Variants in KLF13 observed in about 807,000 individuals in gnomAD.
The protein encoded by KLF13 is KLF transcription factor 13.
In KLF13, 8 loss-of-function variants were observed where a neutral mutation model predicts 16.7. That is an observed-to-expected ratio of 0.48 (90% confidence interval 0.28 to 0.87). The LOEUF (loss-of-function observed/expected upper bound fraction) is 0.87, where lower values mean the gene tolerates loss of function less well. Among genes scored for constraint, KLF13 ranks in the 40% least tolerant of loss-of-function variants. The probability of loss-of-function intolerance (pLI) is 0.10; values close to 1 mark genes in which losing one functional copy is unlikely to be tolerated. For missense variants in KLF13, 447 were observed against 452.2 expected, an observed-to-expected ratio of 0.99 and a Z score of 0.10; for synonymous variants, 245 against 208.4, an observed-to-expected ratio of 1.18 and a Z score of -1.51.
In KLF13 at chr15:31,424,905, A is replaced by AC. The variant is rs1555383520; in HGVS notation, n.118-10465_118-10464insC. 1.2e-4 allele frequency among the ~76,000 whole-genome samples: 18 copies of AC among 151,442 alleles called. No homozygotes were observed. In the East Asian group the frequency reaches 1.4e-3, roughly 11 times the overall value. Reference sequence around the variant, plus strand: ...CACACACACACACACACACACACACAAAGCTCTTAGAACTAAAGAACAAAT... The same window carrying AC: ...CACACACACACACACACACACACACACAAGCTCTTAGAACTAAAGAACAAAT... On this transcript the variant is annotated intron_variant and non_coding_transcript_variant, in intron 1 of 1. Coordinates refer to the KLF13 transcript ENST00000558225.
At chr15:31,391,846 C>T (rs935016728), upstream of KLF13, among the ~76,000 whole-genome samples, 2 of 152,124 alleles carry the variant, frequency 1.3e-5, no homozygotes, top group East Asian at 1.9e-4. Flanking sequence ...CCGGGCTTCC[C>T]AGGCTCTAGT....
chr15:31,394,903 G>C (rs1019064385), intron 2 of KLF13, among the ~76,000 whole-genome samples: 2 of 152,008 alleles, frequency 1.3e-5, no homozygotes, highest in Admixed American at 1.3e-4. Flanking sequence ...GCTTTTTTGT[G>C]TCTGTCTCAT....
intron 1 of KLF13, among the ~76,000 whole-genome samples, chr15:31,362,927 T>C (rs1372629305): frequency 3.3e-5 from 5 of 152,212 alleles, no homozygotes. Context: ...CGTTCCATAA[T>C]TTATTTGACA....
At position 31,429,694 on chromosome 15, in the gene KLF13, CTTTTATTTATTT is replaced by C. The variant is rs753288588; in HGVS notation, n.118-5675_118-5664del. ...TATGATCTTAGCACAGAGAAAGATT[CTTTTATTTATTT>C]ATTTATTTATTTATTTATTTATTTA... is the stretch of plus-strand genomic sequence containing the variant. On this transcript the variant is annotated intron_variant and non_coding_transcript_variant, in intron 1 of 1. Transcript: ENST00000558225. Among the ~76,000 whole-genome samples, 558 of 142,460 alleles carry C rather than the reference CTTTTATTTATTT, an allele frequency of 3.9e-3. 4 individuals are homozygous for C. Among genetic ancestry groups the C allele is most frequent in the South Asian group, 6.8e-3 (30 of 4,382 alleles). The allele number at this position is 142,460 out of a possible 152,430, so 93.5% of individuals were successfully genotyped here.
intron 1 of KLF13, among the ~76,000 whole-genome samples, chr15:31,357,050 A>AT (rs2140953102): frequency 6.6e-6 from 1 of 151,712 alleles, no homozygotes; most frequent in South Asian, 2.1e-4. Flanking sequence ...ATCCATTTGT[A>AT]TTTTTGCTCT....
rs1247032086 is a variant in KLF13 at position 31,375,954 on chromosome 15, C to G, written c.*3655C>G. On this transcript the variant is annotated 3_prime_UTR_variant, in exon 2 of 2. Coordinates refer to ENST00000307145, the MANE Select transcript of KLF13 (RefSeq NM_015995.4). ...AGGTGCAGGATTCGCCATGGTGCAG[C>G]CTCCGGGTACAAACATCTGAGGCAC... The G allele has an allele frequency of 6.6e-6, 1 of 152,360 alleles. No homozygotes were observed. The highest frequency in any genetic ancestry group is 2.4e-5 in the African/African-American group (1 of 41,440). The allele number at this position is 152,360 out of a possible 1,614,324, so 9.4% of individuals were successfully genotyped here. A position where few individuals can be genotyped will look rare whatever the true frequency, so the allele number is the denominator to read the frequency against.
At chr15:31,415,880 A>G (rs1451256208) in intron 1 of KLF13, among the ~76,000 whole-genome samples, 1 of 152,084 alleles carries the variant, frequency 6.6e-6, no homozygotes, top group African/African-American at 2.4e-5. Context: ...ATAAACATCT[A>G]CAAAATTGAT....
At chr15:31,404,930 G>T (rs1009637396), downstream of KLF13, among the ~76,000 whole-genome samples, 2 of 152,256 alleles carry the variant, frequency 1.3e-5, no homozygotes, top group African/African-American at 2.4e-5. Context: ...GAGAACAGTG[G>T]GGGGAGCTCT....
intron 1 of KLF13, among the ~76,000 whole-genome samples, chr15:31,413,191 AAAAAAAAAAAAC>A (rs1479765977): frequency 6.7e-6 from 1 of 149,344 alleles, no homozygotes; most frequent in Admixed American, 6.7e-5. Context: ...AATAGACAAA[AAAAAAAAAAAAC>A]AAAAAACAAA....
chr15:31,357,182 A>G (rs1379329289), intron 1 of KLF13, among the ~76,000 whole-genome samples: 11 of 151,996 alleles, frequency 7.2e-5, no homozygotes. Flanking sequence ...TTGCTTTCAA[A>G]CTCAGGTTTC....
In KLF13 at chr15:31,326,917, C is replaced by T. The variant is rs988842411; in HGVS notation, c.-296C>T. On this transcript the variant is annotated 5_prime_UTR_variant, in exon 1 of 2. Coordinates refer to ENST00000307145, the MANE Select transcript of KLF13 (RefSeq NM_015995.4). The stretch of plus-strand genomic sequence containing the variant: ...TGCGGCCGCGACTTGGCGAGGTGGT[C>T]CCTAACGTTGCCGCTCGGCATCCTT... 9 of 152,862 alleles carry T rather than the reference C, an allele frequency of 5.9e-5. No individual in the cohort carries two copies. Among genetic ancestry groups the T allele is most frequent in the Non-Finnish European group, 1.2e-4 (8 of 68,970 alleles). 9.5% of individuals were successfully genotyped at this position (152,862 alleles called of 1,614,324 possible).
chr15:31,358,138 C>CT (rs2039329787), intron 1 of KLF13, among the ~76,000 whole-genome samples: 1 of 152,186 alleles, frequency 6.6e-6, no homozygotes. Context: ...CAGCCAGCAT[C>CT]TCCTTTGTTC....
chr15:31,405,539 A>AC (rs2040116026), downstream of KLF13, among the ~76,000 whole-genome samples: 1 of 152,218 alleles, frequency 6.6e-6, no homozygotes, highest in African/African-American at 2.4e-5. Context: ...TATTGTAACA[A>AC]CCTGAACTGA....
At chr15:31,351,221 G>A (rs1381432809) in intron 1 of KLF13, among the ~76,000 whole-genome samples, 1 of 152,212 alleles carries the variant, frequency 6.6e-6, no homozygotes, top group Non-Finnish European at 1.5e-5. Context: ...CATCATTTGA[G>A]TGCCTGGCAT....
At chr15:31,379,557 G>T (rs1043766607), downstream of KLF13, among the ~76,000 whole-genome samples, 4 of 152,194 alleles carry the variant, frequency 2.6e-5, no homozygotes, top group African/African-American at 9.6e-5. Flanking sequence ...TCCCAGGAAT[G>T]AGGGGTCTCC....
intron 1 of KLF13, among the ~76,000 whole-genome samples, chr15:31,354,175 C>G (rs2039263468): frequency 6.6e-6 from 1 of 151,988 alleles, no homozygotes; most frequent in South Asian, 2.1e-4. Context: ...ATGTCCAGTC[C>G]AGGACATCAG....
intron 1 of KLF13, among the ~76,000 whole-genome samples, chr15:31,424,304 G>C (rs1356044727): frequency 6.6e-6 from 1 of 152,088 alleles, no homozygotes; most frequent in Admixed American, 6.5e-5. Flanking sequence ...GATTAATATT[G>C]ATGCAAAAAT....
intron 1 of KLF13, among the ~76,000 whole-genome samples, chr15:31,360,427 G>T (rs2039364675): frequency 1.3e-5 from 2 of 152,204 alleles, no homozygotes; most frequent in African/African-American, 4.8e-5. Context: ...GATGTAGGGG[G>T]CTACTAGACC....
chr15:31,348,939 G>T (rs1355990863), intron 1 of KLF13, among the ~76,000 whole-genome samples: 1 of 152,034 alleles, frequency 6.6e-6, no homozygotes, highest in Non-Finnish European at 1.5e-5. Flanking sequence ...ATTTTCTGGG[G>T]TCTCCTTTCT....
Sources: gnomAD v4.1 joint callset for allele counts (sites outside exome capture counted in the v4.1 genomes callset) on GRCh38, gnomAD v4.1.1 for gene constraint, MANE v1.5 for transcripts, NCBI Gene and HGNC (gene_info 2026-07-23, HGNC 2026-07-21) for gene names.